Variants in ELP4 observed in about 807,000 individuals in gnomAD.
The protein encoded by ELP4 is elongator acetyltransferase complex subunit 4, also known as elongator complex protein 4.
Under a neutral mutation model 48.9 loss-of-function variants are expected in ELP4, and 51 were observed. The ratio of observed to expected loss-of-function variants is 1.04; its 90% CI spans 0.83 to 1.32. The LOEUF (loss-of-function observed/expected upper bound fraction) is 1.32. Among genes scored for constraint, ELP4 ranks in the 40% most tolerant of loss-of-function variants. The pLI is 0.00. For missense variants in ELP4, 519 were observed against 514.6 expected (o/e 1.01, Z -0.08); for synonymous variants, 210 against 189.2 (o/e 1.11, Z -0.90).
At chr11:31,737,483 A>G (rs1289469238) in intron 9 of ELP4, among the ~76,000 whole-genome samples, 1 of 151,842 alleles carries the variant, frequency 6.6e-6, no homozygotes, top group African/African-American at 2.4e-5. Context: ...ATAAAATAAA[A>G]TAAAAATAAA....
At chr11:31,526,602 A>G (rs2133887263) in intron 2 of ELP4, among the ~76,000 whole-genome samples, 1 of 152,184 alleles carries the variant, frequency 6.6e-6, no homozygotes, top group South Asian at 2.1e-4. Flanking sequence ...CAGAAAAAAA[A>G]TACAGTTTTA....
chr11:31,511,041 A>G (rs938138665), intron 1 of ELP4: 4 of 152,132 alleles, frequency 2.6e-5, no homozygotes, highest in Admixed American at 2.6e-4. Flanking sequence ...TAGGCTTTTC[A>G]TAGGTTTAGT....
chr11:31,693,671 A>G (rs530860474), intron 9 of ELP4, among the ~76,000 whole-genome samples: 34 of 152,338 alleles, frequency 2.2e-4, no homozygotes, highest in Admixed American at 1.8e-3. Flanking sequence ...CTTCGAGTAT[A>G]TACCCAGTAA....
At chr11:31,758,661 AG>A (rs535536432) in intron 9 of ELP4, among the ~76,000 whole-genome samples, 116 of 141,666 alleles carry the variant, frequency 8.2e-4, no homozygotes, top group African/African-American at 2.7e-3. Flanking sequence ...GTTGACAAAG[AG>A]GGTGGAACTT....
chr11:31,534,718 C>T (rs926893806), intron 2 of ELP4, among the ~76,000 whole-genome samples: 1 of 152,028 alleles, frequency 6.6e-6, no homozygotes, highest in Non-Finnish European at 1.5e-5. Flanking sequence ...TTAAATTTTC[C>T]ATTTTGTAAA....
chr11:31,576,357 T>C (rs147319328), intron 3 of ELP4, among the ~76,000 whole-genome samples: 4,471 of 152,166 alleles, frequency 0.029, 218 homozygotes, highest in African/African-American at 0.1. Flanking sequence ...CTTTAACACC[T>C]GACTGTCAAC....
In ELP4 at chr11:31,632,361, T is replaced by A. The variant is rs774058561; in HGVS notation, c.883T>A (p.Ser295Thr). Residue 295 changes from serine to threonine, a missense_variant, in exon 7 of 10, where the codon TCT (serine) becomes ACT (threonine). Physicochemically the swap from Ser to Thr is moderately conservative, Grantham distance 58 (BLOSUM62 1). Transcript: ENST00000640961. ...LYVLRGLLRT[S>T]LSACIITMPT... The stretch of plus-strand genomic sequence containing the variant: ...TGTTCTCCGTGGTCTTCTGAGAACC[T>A]CTCTTTCAGCCTGCATCATCACAAT... The A allele has an allele frequency of 5.0e-6, 8 of 1,612,820 alleles. No individual in the cohort carries two copies. Among genetic ancestry groups the A allele is most frequent in the Middle Eastern group, 1.7e-4 (1 of 6,054 alleles).
intron 3 of ELP4, among the ~76,000 whole-genome samples, chr11:31,575,400 G>A (rs1461920172): frequency 6.6e-6 from 1 of 152,152 alleles, no homozygotes; most frequent in East Asian, 1.9e-4. Context: ...CCCCAATCTA[G>A]CAAGGCAGGC....
chr11:31,740,988 A>G (rs1441310116), intron 9 of ELP4, among the ~76,000 whole-genome samples: 1 of 152,190 alleles, frequency 6.6e-6, no homozygotes, highest in African/African-American at 2.4e-5. Context: ...TCCCTTTCCT[A>G]GTCAAAGAAA....
At chr11:31,755,747 AAG>A (rs1947820666) in intron 9 of ELP4, among the ~76,000 whole-genome samples, 1 of 151,802 alleles carries the variant, frequency 6.6e-6, no homozygotes. Flanking sequence ...AAAAAAAAAA[AAG>A]AATATTAGTG....
At chr11:31,737,204 A>G (rs1279367375) in intron 9 of ELP4, among the ~76,000 whole-genome samples, 1 of 152,210 alleles carries the variant, frequency 6.6e-6, no homozygotes, top group South Asian at 2.1e-4. Context: ...CATTCTCAGC[A>G]AACTATTGCA....
chr11:31,697,533 A>G (rs969264528), intron 9 of ELP4, among the ~76,000 whole-genome samples: 1 of 152,166 alleles, frequency 6.6e-6, no homozygotes, highest in Non-Finnish European at 1.5e-5. Flanking sequence ...TCATTTACAA[A>G]TAATCTTACA....
intron 7 of ELP4, among the ~76,000 whole-genome samples, chr11:31,641,275 A>G (rs1290799146): frequency 6.6e-6 from 1 of 151,776 alleles, no homozygotes; most frequent in Non-Finnish European, 1.5e-5. Flanking sequence ...GTTCATTTCT[A>G]TATTATTTCA....
rs564584670 is a variant in ELP4, at chr11:31,671,112, C to T, written c.1143+20891C>T. 2.7e-4 allele frequency among the ~76,000 whole-genome samples: 41 copies of T among 152,020 alleles called. 1 individual carries two copies. Among genetic ancestry groups the T allele is most frequent in the East Asian group, 9.7e-4 (5 of 5,168 alleles). On this transcript the variant is annotated intron_variant, in intron 9 of 9. Transcript: ENST00000640961. ...TATAGTGCTTATAATTAAAGATTTC[C>T]GATAGAAACTAAAGGGCCTTAGTTT...
intron 9 of ELP4, among the ~76,000 whole-genome samples, chr11:31,724,579 G>A (rs1947035401): frequency 1.3e-5 from 2 of 152,176 alleles, no homozygotes; most frequent in Non-Finnish European, 2.9e-5. Context: ...AACTTTATTT[G>A]TGGATTTGCA....
At chr11:31,649,593 C>T (rs1010554822) in intron 8 of ELP4, 1 of 151,668 alleles carries the variant, frequency 6.6e-6, no homozygotes, top group Non-Finnish European at 1.5e-5. Flanking sequence ...AATGTTTGGT[C>T]CTAGAGTGTA....
intron 3 of ELP4, among the ~76,000 whole-genome samples, chr11:31,579,817 G>A (rs569012276): frequency 2.6e-5 from 4 of 151,714 alleles, no homozygotes; most frequent in African/African-American, 9.7e-5. Flanking sequence ...GATAGCATTA[G>A]GAGATATACC....
chr11:31,547,935 A>T lies in ELP4; in HGVS notation c.381+8152A>T, dbSNP rs547642035. Reference sequence around the variant, plus strand: ...GAAAAGGCCTTTGACAAAATTCAACAACCCTTCATGCTAAAAACTCTCAAT... The same window carrying T: ...GAAAAGGCCTTTGACAAAATTCAACTACCCTTCATGCTAAAAACTCTCAAT... On this transcript the variant is annotated intron_variant, in intron 3 of 9. Transcript: ENST00000640961. Among the ~76,000 whole-genome samples, 4 of 152,328 alleles carry T rather than the reference A, an allele frequency of 2.6e-5. 1 individual carries two copies. Among genetic ancestry groups the T allele is most frequent in the African/African-American group, 4.8e-5 (2 of 41,564 alleles).
intron 9 of ELP4, among the ~76,000 whole-genome samples, chr11:31,748,486 C>G (rs1042640910): frequency 2.6e-5 from 4 of 151,618 alleles, no homozygotes; most frequent in Non-Finnish European, 5.9e-5. Context: ...CTCAGGTGAT[C>G]TGCCCACCCC....
Sources: gnomAD v4.1 joint callset for allele counts (sites outside exome capture counted in the v4.1 genomes callset) on GRCh38, gnomAD v4.1.1 for gene constraint, MANE v1.5 for transcripts, NCBI Gene and HGNC (gene_info 2026-07-23, HGNC 2026-07-21) for gene names.